Variants in SNX22 observed in about 807,000 individuals in gnomAD.
SNX22 encodes the protein sorting nexin 22.
In SNX22, 23 loss-of-function variants were observed where a neutral mutation model predicts 24.7. The observed-to-expected ratio is 0.93, with a 90% confidence interval of 0.67 to 1.32. The LOEUF is 1.32. Ranked by LOEUF, SNX22 falls within the 40% of genes most tolerant of loss-of-function variation. The pLI, the probability that SNX22 is intolerant of heterozygous loss-of-function variation, is 0.00. For missense variants in SNX22, 261 were observed against 249.9 expected (o/e 1.04, Z -0.30); for synonymous variants, 99 against 104.0 (o/e 0.95, Z 0.29).
intron 3 of SNX22, 186 bp from the exon 4 acceptor site, chr15:64,153,059 G>A: frequency 1.4e-6 from 1 of 694,472 alleles, no homozygotes; most frequent in East Asian, 2.7e-5. Context: ...AAGCTATGCC[G>A]CGTCATGGGG....
In SNX22 at chr15:64,151,756, C is replaced by G; in HGVS notation, c.-20C>G. On this transcript the variant is annotated 5_prime_UTR_variant, in exon 1 of 7. Transcript: ENST00000325881. ...AGGGCTCCGAGCCGAGCGCGCGGAG[C>G]AGCTGGGGCCGGGGCGCGGATGCTG... The G allele has an allele frequency of 1.3e-6, 2 of 1,529,308 alleles. No homozygotes were observed. The highest frequency in any genetic ancestry group is 1.8e-6 in the Non-Finnish European group (2 of 1,141,024). 94.7% of individuals were successfully genotyped at this position (1,529,308 alleles called of 1,614,324 possible).
intron 5 of SNX22, 49 bp downstream of exon 5, chr15:64,153,733 C>T (rs2081504365): frequency 6.2e-7 from 1 of 1,612,958 alleles, no homozygotes; most frequent in Non-Finnish European, 8.5e-7. Flanking sequence ...CCCCTAGTGG[C>T]CATATGCTAG....
At chr15:64,152,921 A>T (rs1335387903) in intron 3 of SNX22, 179 bp downstream of exon 3, 1 of 625,602 alleles carries the variant, frequency 1.6e-6, no homozygotes, top group African/African-American at 1.8e-5. Context: ...GCTTGTTGAA[A>T]GGACTGAAAG....
intron 3 of SNX22, 72 bp downstream of exon 3, chr15:64,152,814 G>C: frequency 8.0e-6 from 11 of 1,375,612 alleles, no homozygotes; most frequent in Non-Finnish European, 1.1e-5. Flanking sequence ...AGAGGTGTGG[G>C]GGCATGGCAG....
Position 64,153,315 on chromosome 15 carries a change from C to CA in SNX22, c.336dup (p.Asp113ArgfsTer5). 1 of 1,614,002 alleles carries CA rather than the reference C, an allele frequency of 6.2e-7. No homozygotes were observed. On this transcript the variant is annotated frameshift_variant, in exon 4 of 7. Coordinates refer to ENST00000325881, the MANE Select transcript of SNX22 (RefSeq NM_024798.3). LOFTEE classifies it high-confidence loss of function. ...TTCCTGAGACTTCGGCACTTCCCCA[C>CA]AGACCCCAAGGCTAGCAACTGGGGG...
chr15:64,153,164 A>C (rs2081499724), intron 3 of SNX22, 81 bp from the exon 4 acceptor site: 1 of 1,540,984 alleles, frequency 6.5e-7, no homozygotes, highest in Non-Finnish European at 8.9e-7. Context: ...TTTTGGAACA[A>C]AGAGCCCTGC....
At position 64,152,678 on chromosome 15, in the gene SNX22, G is replaced by T. The variant is rs1227241609; in HGVS notation, c.200G>T (p.Arg67Leu). ...AAAGTGCCCGACTTCCCCTCGAAAC[G>T]CCTGCCCAACTGGAGGACCAGAGGG... ...LYKVPDFPSK[R>L]LPNWRTRGLE... Residue 67 changes from arginine (R) to leucine (L), a missense_variant, in exon 3 of 7, where the codon CGC becomes CTC. Transcript: ENST00000325881. The T allele has an allele frequency of 6.2e-7, 1 of 1,614,178 alleles. No individual in the cohort carries two copies.
intron 3 of SNX22, 40 bp from the exon 4 acceptor site, chr15:64,153,205 G>A (rs757143765): frequency 8.7e-6 from 14 of 1,612,210 alleles, no homozygotes; most frequent in Non-Finnish European, 2.5e-6. Flanking sequence ...ATGCAAATTA[G>A]TAGCTGGGTC....
Position 64,156,724 on chromosome 15 carries a change from C to A in SNX22, c.*2216C>A, listed in dbSNP as rs1228817029. On this transcript the variant is annotated 3_prime_UTR_variant, in exon 7 of 7. Transcript: ENST00000325881. This position sits in a 1 kb window ranked among gnomAD's most constrained non-coding sequence, Gnocchi z 6.4. ...TAGTAGCCCTTGCTTCCACAACTCA[C>A]CATGCCCTCTAGAACTTTGCCAAAC... 2 of 1,614,198 alleles carry A rather than the reference C, an allele frequency of 1.2e-6. No homozygotes were observed. Among genetic ancestry groups the A allele is most frequent in the Non-Finnish European group, 1.7e-6 (2 of 1,180,044 alleles).
chr15:64,153,431 C>G, intron 4 of SNX22, 92 bp downstream of exon 4: 1 of 1,580,344 alleles, frequency 6.3e-7, no homozygotes, highest in Non-Finnish European at 8.6e-7. Context: ...TTCACATCTG[C>G]CAGGATCCAG....
At position 64,156,188 on chromosome 15, in the gene SNX22, AG is replaced by A; in HGVS notation, c.*1682del. On this transcript the variant is annotated 3_prime_UTR_variant, in exon 7 of 7. Transcript: ENST00000325881. This position sits in a 1 kb window ranked among gnomAD's most constrained non-coding sequence, Gnocchi z 6.4. ...AAGCAGGAGGGCATGGTGGATCAGG[AG>A]GTCCACCGCTCAGGAGAAAGGCCCC... 1 of 1,612,032 alleles carries A rather than the reference AG, an allele frequency of 6.2e-7. No homozygotes were observed. Among genetic ancestry groups the A allele is most frequent in the Non-Finnish European group, 8.5e-7 (1 of 1,179,034 alleles).
intron 3 of SNX22, 70 bp downstream of exon 3, chr15:64,152,812 G>T (rs1395907228): frequency 1.3e-5 from 18 of 1,418,308 alleles, no homozygotes; most frequent in East Asian, 2.3e-5. Context: ...AGAGAGGTGT[G>T]GGGGCATGGC....
intron 6 of SNX22, 57 bp from the exon 7 acceptor site, chr15:64,154,330 G>A (rs2081510603): frequency 6.2e-7 from 1 of 1,606,558 alleles, no homozygotes; most frequent in African/African-American, 1.3e-5. Flanking sequence ...GAGCCCATGA[G>A]CAGGAGCTCA....
Position 64,154,411 on chromosome 15 carries a change from A to G in SNX22, c.485A>G (p.Asn162Ser). The change falls in exon 7 of 7, where the codon AAT (asparagine) becomes AGT (serine). Residue 162 changes from asparagine to serine, a missense_variant. Physicochemically the swap from Asn to Ser is conservative, Grantham distance 46. Coordinates refer to ENST00000325881, the MANE Select transcript of SNX22 (RefSeq NM_024798.3). Reference sequence around the variant, plus strand: ...GAGTCGCTGCCCAACGTGGTGGTGAATGGTGTGCTCCAGGGCCTCTACAGC... The same window carrying G: ...GAGTCGCTGCCCAACGTGGTGGTGAGTGGTGTGCTCCAGGGCCTCTACAGC... ...SPESLPNVVVNGVLQGLYSFS... is the reference protein window; with the variant it reads ...SPESLPNVVVSGVLQGLYSFS... The G allele has an allele frequency of 6.2e-7, 1 of 1,614,140 alleles. No homozygotes were observed. The highest frequency in any genetic ancestry group is 2.2e-5 in the East Asian group (1 of 44,878).
At position 64,152,305 on chromosome 15, in the gene SNX22, G is replaced by C; in HGVS notation, c.138G>C (p.Glu46Asp). The change falls in exon 2 of 7, where the codon GAG (glutamate) becomes GAC (aspartate). Residue 46 changes from glutamate to aspartate, a missense_variant. Coordinates refer to ENST00000325881, the MANE Select transcript of SNX22 (RefSeq NM_024798.3). ...ACACGGTGCCAAGGCGCTACAGCGAGTTCCACGCGCTGCACAAGCGGGTGA... is the reference window on the plus strand; with the variant it reads ...ACACGGTGCCAAGGCGCTACAGCGACTTCCACGCGCTGCACAAGCGGGTGA... ...RRHTVPRRYS[E>D]FHALHKRIKK... 1 of 1,513,880 alleles carries C rather than the reference G, an allele frequency of 6.6e-7. No homozygotes were observed. The allele number at this position is 1,513,880 out of a possible 1,614,324, so 93.8% of individuals were successfully genotyped here.
At position 64,152,253 on chromosome 15, in the gene SNX22, T is replaced by A. The variant is rs1306617367; in HGVS notation, c.86T>A (p.Val29Glu). Residue 29 changes from valine (V) to glutamate (E), a missense_variant, in exon 2 of 7, where the codon GTG becomes GAG. Val to Glu is a moderately radical substitution (Grantham distance 121, BLOSUM62 -2). Coordinates refer to ENST00000325881, the MANE Select transcript of SNX22 (RefSeq NM_024798.3). Reference sequence around the variant, plus strand: ...CGCCCGCGCCGCCAGGTGTTCCGAGTGGAGGTGCTGTGCAGCGGGCGCAGA... The same window carrying A: ...CGCCCGCGCCGCCAGGTGTTCCGAGAGGAGGTGCTGTGCAGCGGGCGCAGA... The part of the protein sequence containing the change: ...SPEKSHMVFR[V>E]EVLCSGRRHT... 1 of 1,432,158 alleles carries A rather than the reference T, an allele frequency of 7.0e-7. No individual in the cohort carries two copies. Among genetic ancestry groups the A allele is most frequent in the Admixed American group, 3.0e-5 (1 of 33,428 alleles). 88.7% of individuals were successfully genotyped at this position (1,432,158 alleles called of 1,614,324 possible).
Position 64,155,039 on chromosome 15 carries a change from C to G in SNX22, c.*531C>G, listed in dbSNP as rs558832066. The G allele has an allele frequency of 6.9e-6, 1 of 144,714 alleles. No homozygotes were observed. Among genetic ancestry groups the G allele is most frequent in the Non-Finnish European group, 1.5e-5 (1 of 66,826 alleles). 9.0% of individuals were successfully genotyped at this position (144,714 alleles called of 1,614,324 possible). ...AATGCAATGGCACGATCTCGGCTCA[C>G]GGCAACCCCCGCTTCCCGGGTTCAA... On this transcript the variant is annotated 3_prime_UTR_variant, in exon 7 of 7. Coordinates refer to ENST00000325881, the MANE Select transcript of SNX22 (RefSeq NM_024798.3).
At chr15:64,152,372 C>T in intron 2 of SNX22, 46 bp downstream of exon 2, 2 of 1,483,388 alleles carry the variant, frequency 1.3e-6, no homozygotes, top group Non-Finnish European at 1.8e-6. Context: ...AGCCTCTGTC[C>T]AGCCCCCGCC....
intron 4 of SNX22, 146 bp from the exon 5 acceptor site, chr15:64,153,506 A>AC (rs1366811585): frequency 1.8e-4 from 262 of 1,479,702 alleles, no homozygotes; most frequent in Non-Finnish European, 1.7e-4. Flanking sequence ...AGACTTGGTT[A>AC]CCCCCGCCAC....
Sources: gnomAD v4.1 joint callset for allele counts on GRCh38, gnomAD v4.1.1 for gene constraint, Gnocchi (gnomAD v3.1) non-coding constraint, MANE v1.5 for transcripts, NCBI Gene and HGNC (gene_info 2026-07-23, HGNC 2026-07-21) for gene names.